The following GBE1 variants were observed in gnomAD, a reference collection of about 807,000 sequenced individuals.
GBE1 encodes the protein 1,4-alpha-glucan-branching enzyme.
A neutral mutation model predicts 88.8 loss-of-function variants in GBE1; 70 were observed. The ratio of observed to expected loss-of-function variants is 0.79; its 90% CI spans 0.65 to 0.96. The LOEUF (loss-of-function observed/expected upper bound fraction) is 0.96, where lower values mean the gene tolerates loss of function less well. Among genes scored for constraint, GBE1 ranks in the 40% least tolerant of loss-of-function variants. GBE1 has a pLI of 0.00. For synonymous variants in GBE1, 284 were observed against 300.1 expected, an observed-to-expected ratio of 0.95 and a Z score of 0.56; for missense variants, 872 against 871.0, an observed-to-expected ratio of 1.00 and a Z score of -0.01.
rs560598677 is a variant in GBE1 at position 81,715,844 on chromosome 3, A to T, written c.144-10231T>A. Among the ~76,000 whole-genome samples the T allele has an allele frequency of 5.3e-5, 8 of 152,060 alleles. No homozygotes were observed. The East Asian group carries it at 5.8e-4, about 11-fold the overall frequency. The stretch of plus-strand genomic sequence containing the variant: ...TATGACACGTTACATCTTTCTTTTT[A>T]AAAAAAATAAGAAATGAAGATCTCA... On this transcript the variant is annotated intron_variant, in intron 1 of 15. Coordinates refer to ENST00000429644, the MANE Select transcript of GBE1 (RefSeq NM_000158.4).
At chr3:81,702,206 G>A (rs1705705629) in intron 2 of GBE1, among the ~76,000 whole-genome samples, 1 of 146,524 alleles carries the variant, frequency 6.8e-6, no homozygotes, top group South Asian at 2.2e-4. Context: ...TTTCACGTAG[G>A]TTGTCATCAC....
chr3:81,755,322 T>A (rs114021107), intron 1 of GBE1, among the ~76,000 whole-genome samples: 1 of 152,052 alleles, frequency 6.6e-6, no homozygotes, highest in East Asian at 1.9e-4. Context: ...CAGTAACAGA[T>A]GCTGGTTAGG....
chr3:81,532,536 T>C (rs1703023684), intron 14 of GBE1, among the ~76,000 whole-genome samples: 1 of 152,078 alleles, frequency 6.6e-6, no homozygotes, highest in Admixed American at 6.6e-5. Flanking sequence ...TTAGGTGTAC[T>C]GCAATTTCTC....
intron 14 of GBE1, among the ~76,000 whole-genome samples, chr3:81,533,896 T>C (rs1286004320): frequency 1.3e-5 from 2 of 152,060 alleles, no homozygotes; most frequent in African/African-American, 4.8e-5. Context: ...CATTTGGACA[T>C]TGCTGGCACC....
intron 7 of GBE1, among the ~76,000 whole-genome samples, chr3:81,620,446 C>A (rs1393445784): frequency 6.6e-6 from 1 of 151,946 alleles, no homozygotes; most frequent in Non-Finnish European, 1.5e-5. Context: ...CCTCCCAAGA[C>A]ATGGAAATAA....
At chr3:81,734,824 A>G (rs553893682) in intron 1 of GBE1, among the ~76,000 whole-genome samples, 1 of 152,320 alleles carries the variant, frequency 6.6e-6, no homozygotes, top group South Asian at 2.1e-4. Flanking sequence ...GGAGTCACCC[A>G]CTTTCTGTAG....
intron 14 of GBE1, 120 bp from the exon 15 acceptor site, chr3:81,499,347 G>T (rs1160570719): frequency 1.4e-6 from 1 of 705,134 alleles, no homozygotes; most frequent in Non-Finnish European, 2.6e-6. Context: ...TTTGTGCTAA[G>T]AACTCATTTC....
intron 2 of GBE1, among the ~76,000 whole-genome samples, chr3:81,687,421 A>C (rs1372340061): frequency 2.6e-5 from 4 of 152,174 alleles, no homozygotes; most frequent in Non-Finnish European, 5.9e-5. Context: ...AAATATATAG[A>C]GATATTTTTA....
At chr3:81,657,898 A>AT (rs1227218527) in intron 3 of GBE1, among the ~76,000 whole-genome samples, 5 of 152,224 alleles carry the variant, frequency 3.3e-5, no homozygotes, top group Middle Eastern at 6.8e-3. Flanking sequence ...AGAGAGGTGG[A>AT]TAGAGAGAGA....
chr3:81,504,380 T>C (rs540433022), intron 14 of GBE1, among the ~76,000 whole-genome samples: 4 of 152,258 alleles, frequency 2.6e-5, no homozygotes, highest in Admixed American at 1.3e-4. Context: ...ACTATACTTG[T>C]TCTAGTCCAT....
chr3:81,683,967 C>T (rs1326333791), intron 2 of GBE1, among the ~76,000 whole-genome samples: 3 of 152,080 alleles, frequency 2.0e-5, no homozygotes, highest in African/African-American at 7.2e-5. Flanking sequence ...ATAGAAATAA[C>T]AAAATCATTA....
At chr3:81,532,478 C>A (rs1323366574) in intron 14 of GBE1, among the ~76,000 whole-genome samples, 1 of 152,004 alleles carries the variant, frequency 6.6e-6, no homozygotes, top group East Asian at 1.9e-4. Flanking sequence ...GTTTCGTATA[C>A]TTTTTCTATT....
In GBE1 at chr3:81,568,363, G is replaced by A. The variant is rs895613400; in HGVS notation, c.1618+9562C>T. Reference sequence around the variant, plus strand: ...GGGTTTCATCACGCTGGCCAGGCTGGTCACCAACTTCTGACATCAAGTGAT... The same window carrying A: ...GGGTTTCATCACGCTGGCCAGGCTGATCACCAACTTCTGACATCAAGTGAT... On this transcript the variant is annotated intron_variant, in intron 12 of 15. Transcript: ENST00000429644. Among the ~76,000 whole-genome samples, 5 of 152,214 alleles carry A rather than the reference G, an allele frequency of 3.3e-5. 1 individual carries two copies. The East Asian group carries it at 9.7e-4, about 29-fold the overall frequency.
chr3:81,750,525 A>ATATATATATGTATATATATATATG (rs1706481727), intron 1 of GBE1, among the ~76,000 whole-genome samples: 3 of 80,740 alleles, frequency 3.7e-5, no homozygotes, highest in East Asian at 9.5e-4. Context: ...CAAAACATTC[A>ATATATATATGTATATATATATATG]TATATATATA....
rs754379178 is a variant in GBE1, at chr3:81,573,771, C to CTGTG, written c.1618+4153_1618+4154insCACA. The stretch of plus-strand genomic sequence containing the variant: ...ATTTGCCTTCTCTCTCTCTCTCTCT[C>CTGTG]TCTCTGTGTGTGTGTGTGTGTGTGT... On this transcript the variant is annotated intron_variant, in intron 12 of 15. Coordinates refer to ENST00000429644, the MANE Select transcript of GBE1 (RefSeq NM_000158.4). Among the ~76,000 whole-genome samples, 621 of 88,862 alleles carry CTGTG rather than the reference C, an allele frequency of 7.0e-3. 4 individuals are homozygous for CTGTG. Among genetic ancestry groups the CTGTG allele is most frequent in the Middle Eastern group, 0.028 (6 of 212 alleles). The allele number at this position is 88,862 out of a possible 152,430, so 58.3% of individuals were successfully genotyped here. A position where few individuals can be genotyped will look rare whatever the true frequency, so the allele number is the denominator to read the frequency against.
In GBE1 at chr3:81,730,409, T is replaced by C. The variant is rs1010149173; in HGVS notation, c.144-24796A>G. ...GTGGGACTAGCCCTTTTCACTGTAA[T>C]AATTGATAAGCTACTGGAAGAATTT... On this transcript the variant is annotated intron_variant, in intron 1 of 15. Coordinates refer to ENST00000429644, the MANE Select transcript of GBE1 (RefSeq NM_000158.4). Among the ~76,000 whole-genome samples, 3 of 152,216 alleles carry C rather than the reference T, an allele frequency of 2.0e-5. No homozygotes were observed. In the East Asian group the frequency reaches 5.8e-4, roughly 29 times the overall value.
chr3:81,654,168 T>G (rs1704896073), intron 3 of GBE1, among the ~76,000 whole-genome samples: 1 of 152,174 alleles, frequency 6.6e-6, no homozygotes, highest in South Asian at 2.1e-4. Context: ...CAAAAGACAT[T>G]ATTAGATTAC....
intron 6 of GBE1, among the ~76,000 whole-genome samples, chr3:81,644,046 G>GT (rs199631765): frequency 5.7e-4 from 84 of 148,662 alleles, no homozygotes; most frequent in African/African-American, 1.2e-3. Context: ...CAGCCTTAAA[G>GT]TTTTTTTTTT....
intron 7 of GBE1, among the ~76,000 whole-genome samples, chr3:81,601,253 T>C (rs1356553406): frequency 6.6e-6 from 1 of 152,172 alleles, no homozygotes; most frequent in African/African-American, 2.4e-5. Context: ...TGATATTTTA[T>C]GGTTTGGGAA....
Sources: allele counts gnomAD v4.1 joint callset (sites outside exome capture counted in the v4.1 genomes callset), GRCh38; gene constraint gnomAD v4.1.1; transcripts MANE v1.5; gene names NCBI Gene and HGNC (gene_info 2026-07-23, HGNC 2026-07-21).